The following PHLDB2 variants were observed in gnomAD, a reference collection of about 807,000 sequenced individuals.
PHLDB2 encodes pleckstrin homology like domain family B member 2.
In PHLDB2, 71 loss-of-function variants were observed where a neutral mutation model predicts 123.6. The ratio of observed to expected loss-of-function variants is 0.57; its 90% confidence interval spans 0.47 to 0.70. The LOEUF (loss-of-function observed/expected upper bound fraction) is 0.70. Among genes scored for constraint, PHLDB2 ranks in the 30% least tolerant of loss-of-function variants. The pLI, the probability that PHLDB2 is intolerant of heterozygous loss-of-function variation, is 0.00. For missense variants in PHLDB2, 1,446 were observed against 1,519.5 expected (o/e 0.95, Z 0.80); for synonymous variants, 547 against 541.6 (o/e 1.01, Z -0.14).
chr3:111,826,940 A>G (rs1315953866), intron 1 of PHLDB2, among the ~76,000 whole-genome samples: 1 of 152,158 alleles, frequency 6.6e-6, no homozygotes, highest in Non-Finnish European at 1.5e-5. Context: ...GATGATTTAG[A>G]AAAAGAAAAT....
intron 1 of PHLDB2, among the ~76,000 whole-genome samples, chr3:111,828,146 C>T (rs2062756080): frequency 1.3e-5 from 2 of 152,216 alleles, no homozygotes; most frequent in African/African-American, 4.8e-5. Context: ...TACACAGAAC[C>T]AGTGTATTTC....
intron 1 of PHLDB2, among the ~76,000 whole-genome samples, chr3:111,831,038 G>GAAGAAAGA (rs1559855438): frequency 1.8e-5 from 1 of 54,938 alleles, no homozygotes; most frequent in Non-Finnish European, 4.5e-5. Flanking sequence ...AGAAAGGAAG[G>GAAGAAAGA]AAGGAAGAAA....
intron 5 of PHLDB2, among the ~76,000 whole-genome samples, chr3:111,921,786 T>C (rs1458050828): frequency 6.6e-6 from 1 of 152,144 alleles, no homozygotes; most frequent in Non-Finnish European, 1.5e-5. Context: ...GTATTTTCAG[T>C]AGAGACGGGG....
chr3:111,885,482 A>G (rs1359018038), intron 2 of PHLDB2, 70 bp downstream of exon 2: 5 of 1,589,496 alleles, frequency 3.1e-6, no homozygotes, highest in Non-Finnish European at 4.3e-6. Flanking sequence ...AGCCTTGGAG[A>G]TGGACTCCAG....
intron 6 of PHLDB2, among the ~76,000 whole-genome samples, chr3:111,934,741 T>G (rs1553751953): frequency 6.6e-6 from 1 of 152,174 alleles, no homozygotes; most frequent in Non-Finnish European, 1.5e-5. Context: ...TTACTAATAG[T>G]GTAGAAAAGA....
intron 2 of PHLDB2, among the ~76,000 whole-genome samples, chr3:111,911,432 G>C (rs2067874885): frequency 6.6e-6 from 1 of 152,190 alleles, no homozygotes; most frequent in Non-Finnish European, 1.5e-5. Flanking sequence ...CCTTACATAT[G>C]CTCTTGGAGG....
intron 1 of PHLDB2, among the ~76,000 whole-genome samples, chr3:111,865,557 T>C (rs2065027298): frequency 6.6e-6 from 1 of 152,152 alleles, no homozygotes; most frequent in Admixed American, 6.5e-5. Context: ...ACTCTCACCA[T>C]GTTGAGTATG....
intron 1 of PHLDB2, among the ~76,000 whole-genome samples, chr3:111,875,048 T>C (rs2065535288): frequency 6.6e-6 from 1 of 152,162 alleles, no homozygotes; most frequent in Non-Finnish European, 1.5e-5. Context: ...GCATAAAGAG[T>C]GAAACAGATA....
chr3:111,939,800 A>G (rs1413512174), intron 7 of PHLDB2, among the ~76,000 whole-genome samples, 170 bp downstream of exon 7: 1 of 152,256 alleles, frequency 6.6e-6, no homozygotes, highest in Non-Finnish European at 1.5e-5. Flanking sequence ...CAGTTGTTAC[A>G]TAATGCTGTA....
At chr3:111,855,422 TTTC>T (rs760037251), upstream of PHLDB2, among the ~76,000 whole-genome samples, 1 of 151,400 alleles carries the variant, frequency 6.6e-6, no homozygotes, top group South Asian at 2.1e-4. Context: ...CCTTCCTTCC[TTTC>T]TTTCTTTCTC....
At chr3:111,866,778 C>T (rs147226942) in intron 1 of PHLDB2, among the ~76,000 whole-genome samples, 1 of 152,152 alleles carries the variant, frequency 6.6e-6, no homozygotes, top group Non-Finnish European at 1.5e-5. Context: ...AGTTAGTTAT[C>T]CCATGATTCT....
At chr3:111,768,904 G>A (rs2060127516) in intron 1 of PHLDB2, among the ~76,000 whole-genome samples, 2 of 152,148 alleles carry the variant, frequency 1.3e-5, no homozygotes, top group South Asian at 4.1e-4. Flanking sequence ...CTTCATCATT[G>A]CCTGGGGAAG....
chr3:111,821,536 G>T (rs753733731), intron 1 of PHLDB2, among the ~76,000 whole-genome samples: 1 of 152,164 alleles, frequency 6.6e-6, no homozygotes, highest in African/African-American at 2.4e-5. Context: ...CTTTTTGAAG[G>T]GAAATTAGTC....
In PHLDB2 at chr3:111,938,775, CTTCCTTTCCT is replaced by C. The variant is rs547360232; in HGVS notation, c.2131-686_2131-677del. Among the ~76,000 whole-genome samples, 15 of 150,386 alleles carry C rather than the reference CTTCCTTTCCT, an allele frequency of 1.0e-4. No individual in the cohort carries two copies. The South Asian group carries it at 2.1e-3, about 21-fold the overall frequency. ...TATGAAAAATTGAAGAAAAGAAGAG[CTTCCTTTCCT>C]TTCCTTTCCTTTCTTTCTTTTTTTA... On this transcript the variant is annotated intron_variant, in intron 6 of 17. Transcript: ENST00000431670.
intron 1 of PHLDB2, among the ~76,000 whole-genome samples, chr3:111,744,993 T>C (rs1467718433): frequency 6.6e-6 from 1 of 152,100 alleles, no homozygotes; most frequent in Non-Finnish European, 1.5e-5. Flanking sequence ...TGGCTTTTGA[T>C]CCTCCCAAGA....
Position 111,913,362 on chromosome 3 carries a change from A to G in PHLDB2, c.1379A>G (p.Tyr460Cys). The change falls in exon 3 of 18, where the codon TAC becomes TGC. Residue 460 changes from tyrosine (Y) to cysteine (C), a missense_variant. Physicochemically the swap from Tyr to Cys is radical, Grantham distance 194. Transcript: ENST00000431670. Reference protein sequence around the residue: ...LETILSLCAEYTKPDSRLSTG... With the variant: ...LETILSLCAECTKPDSRLSTG... ...ACCATCCTCAGTCTCTGTGCTGAATACACAAAGCCTGACAGTCGCTTATCT... is the reference window on the plus strand; with the variant it reads ...ACCATCCTCAGTCTCTGTGCTGAATGCACAAAGCCTGACAGTCGCTTATCT... 1 of 1,612,722 alleles carries G rather than the reference A, an allele frequency of 6.2e-7. No individual in the cohort carries two copies. Among genetic ancestry groups the G allele is most frequent in the Non-Finnish European group, 8.5e-7 (1 of 1,179,250 alleles).
intron 1 of PHLDB2, among the ~76,000 whole-genome samples, chr3:111,790,850 A>G (rs2060888368): frequency 2.0e-5 from 3 of 152,164 alleles, no homozygotes; most frequent in African/African-American, 7.2e-5. Context: ...AAAATTAAAC[A>G]TTTTCAAGAA....
In PHLDB2 at chr3:111,884,262, T is replaced by C. The variant is rs1243727845; in HGVS notation, c.185T>C (p.Leu62Pro). 6.2e-7 allele frequency: 1 copy of C among 1,614,172 alleles called. No homozygotes were observed. Among genetic ancestry groups the C allele is most frequent in the Non-Finnish European group, 8.5e-7 (1 of 1,180,024 alleles). Residue 62 changes from leucine (L) to proline (P), a missense_variant, in exon 2 of 18, where the codon CTC (leucine) becomes CCC (proline). By Grantham distance (98) the Leu-to-Pro change is moderately conservative. Around this residue, in one of 3 missense-constraint regions of PHLDB2, gnomAD observed 832 missense variants for 831.9 expected, o/e 1.00. Transcript: ENST00000431670. Reference sequence around the variant, plus strand: ...GACTATTCTGGCTCCTATTTAACCCTCTCACAACCTGTGCCTGCAAAGAGA... The same window carrying C: ...GACTATTCTGGCTCCTATTTAACCCCCTCACAACCTGTGCCTGCAAAGAGA... ...NGDYSGSYLTLSQPVPAKRSP... is the reference protein window; with the variant it reads ...NGDYSGSYLTPSQPVPAKRSP...
upstream of PHLDB2, among the ~76,000 whole-genome samples, chr3:111,858,779 G>T (rs1005597335): frequency 5.3e-5 from 8 of 152,130 alleles, no homozygotes; most frequent in Non-Finnish European, 1.2e-4. Flanking sequence ...TTGCTGGTGT[G>T]AGATTCTCGA....
Sources: allele counts gnomAD v4.1 joint callset (sites outside exome capture counted in the v4.1 genomes callset), GRCh38; gene constraint gnomAD v4.1.1; regional missense constraint gnomAD v4.1.1; transcripts MANE v1.5; gene names NCBI Gene and HGNC (gene_info 2026-07-23, HGNC 2026-07-21).